PCNT: variants seen among roughly 807,000 people sequenced by gnomAD.
PCNT encodes the protein kendrin.
PCNT carries 319 observed loss-of-function variants against 380.4 expected under a neutral mutation model. That is an observed-to-expected ratio of 0.84 (90% confidence interval 0.77 to 0.92). PCNT has a LOEUF of 0.92. PCNT is among the 40% of genes least tolerant of loss of function. The probability of loss-of-function intolerance (pLI) is 0.00; values close to 1 mark genes in which losing one functional copy is unlikely to be tolerated. For synonymous variants in PCNT, 1,845 were observed against 1,735.2 expected, an observed-to-expected ratio of 1.06 and a Z score of -1.57; for missense variants, 4,400 against 4,255.3, an observed-to-expected ratio of 1.03 and a Z score of -0.95.
chr21:46,374,141 A>G (rs998044256), intron 15 of PCNT, among the ~76,000 whole-genome samples: 14 of 152,096 alleles, frequency 9.2e-5, no homozygotes, highest in Admixed American at 2.0e-4. Flanking sequence ...TTTTTGGGGC[A>G]GAGGGCAGCA....
At chr21:46,367,555 G>A (rs532506243) in intron 15 of PCNT, among the ~76,000 whole-genome samples, 10 of 152,234 alleles carry the variant, frequency 6.6e-5, no homozygotes, top group South Asian at 2.1e-4. Context: ...CGATCCACCC[G>A]CCTTGACTCC....
rs755963151 is a variant in PCNT at position 46,363,574 on chromosome 21, C to G, written c.2249C>G (p.Thr750Arg). The stretch of plus-strand genomic sequence containing the variant: ...AAACAGGAATTCCAAAGAAAAGAAA[C>G]GGACTGGAAAGTTATGAAGGAGGAG... ...LMKQEFQRKE[T>R]DWKVMKEELQ... Residue 750 changes from threonine (T) to arginine (R), a missense_variant, in exon 14 of 47, where the codon ACG becomes AGG. Thr to Arg is a moderately conservative substitution (Grantham distance 71, BLOSUM62 -1). Transcript: ENST00000359568. The G allele has an allele frequency of 1.9e-6, 3 of 1,614,012 alleles. No homozygotes were observed. The highest frequency in any genetic ancestry group is 3.3e-5 in the Admixed American group (2 of 60,018).
Position 46,409,873 on chromosome 21 carries a change from C to T in PCNT, c.5116-1316C>T, listed in dbSNP as rs900678414. ...CCTCCCAAAGTGCTGGGGTTACAGA[C>T]GTGAGCCACCGCGCCCGGCCTCAGT... On this transcript the variant is annotated intron_variant, in intron 27 of 46. Transcript: ENST00000359568. 7.2e-5 allele frequency among the ~76,000 whole-genome samples: 11 copies of T among 152,180 alleles called. No homozygotes were observed. The East Asian group carries it at 1.5e-3, about 21-fold the overall frequency.
intron 44 of PCNT, chr21:46,443,063 G>C (rs971596799): frequency 4.9e-6 from 1 of 203,628 alleles, no homozygotes; most frequent in Non-Finnish European, 1.0e-5. Context: ...GTCCCAGAGC[G>C]GCAGGCGTTG....
chr21:46,366,355 A>G (rs1329521838), intron 14 of PCNT, among the ~76,000 whole-genome samples: 1 of 152,036 alleles, frequency 6.6e-6, no homozygotes, highest in Admixed American at 6.6e-5. Flanking sequence ...GGCGACTCCC[A>G]TGGCTTTGGC....
At position 46,391,167 on chromosome 21, in the gene PCNT, C is replaced by T. The variant is rs374595390; in HGVS notation, c.4007C>T (p.Thr1336Ile). 6 of 1,592,828 alleles carry T rather than the reference C, an allele frequency of 3.8e-6. No individual in the cohort carries two copies. The highest frequency in any genetic ancestry group is 2.6e-6 in the Non-Finnish European group (3 of 1,169,628). Residue 1336 changes from threonine to isoleucine, a missense_variant, in exon 21 of 47, where the codon ACC (threonine) becomes ATC (isoleucine). Thr to Ile is a moderately conservative substitution (Grantham distance 89). Coordinates refer to ENST00000359568, the MANE Select transcript of PCNT (RefSeq NM_006031.6). ...LALELHKTQG[T>I]LEGFKVETAD... is the part of the protein sequence containing the mutation. ...AGCATCTGTGTCTCCCACAAAGGTA[C>T]CCTTGAGGGATTCAAGGTGGAGACA...
chr21:46,350,212 A>T, intron 8 of PCNT, among the ~76,000 whole-genome samples: 1 of 152,322 alleles, frequency 6.6e-6, no homozygotes, highest in South Asian at 2.1e-4. Context: ...AAATAAAAAA[A>T]TAAATAGAGT....
chr21:46,410,382 G>GT (rs1249649973), intron 27 of PCNT, among the ~76,000 whole-genome samples: 1 of 152,166 alleles, frequency 6.6e-6, no homozygotes, highest in African/African-American at 2.4e-5. Flanking sequence ...GAAACCCTCA[G>GT]TTTTTTGGAA....
intron 21 of PCNT, chr21:46,394,483 A>G (rs1045002017): frequency 1.0e-6 from 1 of 983,190 alleles, no homozygotes; most frequent in African/African-American, 1.7e-5. Flanking sequence ...CACCTCAGTA[A>G]ACGCAAACTC....
intron 15 of PCNT, 37 bp from the exon 16 acceptor site, chr21:46,381,657 G>A: frequency 8.2e-6 from 13 of 1,591,960 alleles, no homozygotes; most frequent in Non-Finnish European, 1.1e-5. Context: ...TATTTTTCTA[G>A]CTTACTGGTA....
intron 2 of PCNT, among the ~76,000 whole-genome samples, chr21:46,327,211 C>T (rs908431139): frequency 3.3e-5 from 5 of 151,732 alleles, no homozygotes; most frequent in South Asian, 2.1e-4. Flanking sequence ...CAGGCGCCCG[C>T]CACCACGCCC....
intron 42 of PCNT, 104 bp downstream of exon 42, chr21:46,440,306 G>A: frequency 8.3e-7 from 1 of 1,209,798 alleles, no homozygotes; most frequent in Non-Finnish European, 1.2e-6. Context: ...TCGTCTGCCG[G>A]GTGTAGCAGT....
intron 21 of PCNT, among the ~76,000 whole-genome samples, chr21:46,395,315 G>T (rs961284301): frequency 3.3e-5 from 5 of 152,188 alleles, no homozygotes; most frequent in Non-Finnish European, 7.3e-5. Context: ...TCAGGATTCA[G>T]GCCGGGAGTG....
At chr21:46,397,950 C>A in intron 22 of PCNT, 64 bp from the exon 23 acceptor site, 10 of 1,294,558 alleles carry the variant, frequency 7.7e-6, no homozygotes, top group Non-Finnish European at 1.1e-5. Flanking sequence ...CCTGGGTGGA[C>A]CTTCGCTGCA....
At chr21:46,439,768 G>A (rs969931803) in intron 41 of PCNT, among the ~76,000 whole-genome samples, 6 of 152,158 alleles carry the variant, frequency 3.9e-5, no homozygotes, top group African/African-American at 1.4e-4. Flanking sequence ...GAGTGTTTAA[G>A]GCTTAAAGCT....
chr21:46,355,575 TC>T lies in PCNT; in HGVS notation c.1886del (p.Ser629Ter), dbSNP rs1569189993. 6.2e-7 allele frequency: 1 copy of T among 1,613,938 alleles called. No individual in the cohort carries two copies. Among genetic ancestry groups the T allele is most frequent in the Admixed American group, 1.7e-5 (1 of 59,992 alleles). On this transcript the variant is annotated frameshift_variant, in exon 12 of 47. Coordinates refer to ENST00000359568, the MANE Select transcript of PCNT (RefSeq NM_006031.6). LOFTEE classifies it high-confidence loss of function. ...CTCAGACAGATGCTGCGTAGAGACT[TC>T]AGCATTGGGACACGAGTGGCGTCTG... ...HVSDRCCVETSALGHEWRLEP... is the reference protein window; with the variant it reads ...HVSDRCCVETXALGHEWRLEP...
intron 23 of PCNT, 39 bp from the exon 24 acceptor site, chr21:46,398,196 T>A: frequency 1.2e-6 from 2 of 1,607,794 alleles, no homozygotes; most frequent in Non-Finnish European, 1.7e-6. Flanking sequence ...GCTTTAACTT[T>A]CTTTAAATTT....
At chr21:46,441,296 AT>A (rs1452283500) in intron 43 of PCNT, among the ~76,000 whole-genome samples, 1 of 152,228 alleles carries the variant, frequency 6.6e-6, no homozygotes, top group Admixed American at 6.5e-5. Flanking sequence ...AAAACTAAAG[AT>A]TTAAGGGCAC....
chr21:46,430,992 C>G, intron 37 of PCNT: 1 of 985,452 alleles, frequency 1.0e-6, no homozygotes. Context: ...ACAAGGCAGG[C>G]TGGTGGTGGG....
Sources: allele counts gnomAD v4.1 joint callset (sites outside exome capture counted in the v4.1 genomes callset), GRCh38; gene constraint gnomAD v4.1.1; transcripts MANE v1.5; gene names NCBI Gene and HGNC (gene_info 2026-07-23, HGNC 2026-07-21).